The following DNAH8 variants were observed in gnomAD, a reference collection of about 807,000 sequenced individuals.
DNAH8 encodes dynein axonemal heavy chain 8.
DNAH8 carries 382 observed loss-of-function variants against 562.1 expected under a neutral mutation model. That is an observed-to-expected ratio of 0.68 (90% CI 0.63 to 0.74). The LOEUF (loss-of-function observed/expected upper bound fraction) is 0.74. DNAH8 is among the 30% of genes least tolerant of loss of function. The probability of loss-of-function intolerance (pLI) is 0.00; values close to 1 mark genes in which losing one functional copy is unlikely to be tolerated. For missense variants in DNAH8, 5,203 were observed against 5,620.4 expected (o/e 0.93, Z 2.37); for synonymous variants, 1,881 against 1,919.4 (o/e 0.98, Z 0.52).
intron 82 of DNAH8, among the ~76,000 whole-genome samples, chr6:38,968,194 A>T (rs1763096568): frequency 1.3e-5 from 2 of 152,208 alleles, no homozygotes; most frequent in African/African-American, 4.8e-5. Context: ...TAACATACTT[A>T]GTAAAAAAAA....
At chr6:38,802,731 A>G (rs1770893478) in intron 21 of DNAH8, among the ~76,000 whole-genome samples, 1 of 152,232 alleles carries the variant, frequency 6.6e-6, no homozygotes, top group Non-Finnish European at 1.5e-5. Flanking sequence ...ATGAGTTAAT[A>G]TGTGTAAAGC....
chr6:38,767,860 T>C (rs573327335), intron 11 of DNAH8, among the ~76,000 whole-genome samples: 1 of 152,348 alleles, frequency 6.6e-6, no homozygotes, highest in East Asian at 1.9e-4. Flanking sequence ...GTTTAACTTT[T>C]TGAGTTCCTG....
At chr6:38,855,932 T>G (rs1307156828) in intron 41 of DNAH8, among the ~76,000 whole-genome samples, 1 of 152,186 alleles carries the variant, frequency 6.6e-6, no homozygotes, top group African/African-American at 2.4e-5. Context: ...GGATCAAGGT[T>G]GTGCGCTGCT....
intron 11 of DNAH8, among the ~76,000 whole-genome samples, chr6:38,769,098 T>C (rs1175855757): frequency 6.6e-6 from 1 of 152,234 alleles, no homozygotes; most frequent in South Asian, 2.1e-4. Flanking sequence ...ACATCTGAAA[T>C]GTTTTCAGGA....
chr6:38,938,038 G>C lies in DNAH8; in HGVS notation c.11628G>C (p.Glu3876Asp), dbSNP rs774173621. ...VLRTTKQTAA[E>D]VSEKLHVAAE... ...GAACTACCAAGCAGACAGCAGCTGA[G>C]GTAAGTGAAAAGTTGCATGTGGCTG... The change falls in exon 78 of 93, where the codon GAG becomes GAC. Residue 3876 changes from glutamate (E) to aspartate (D), a missense_variant. By Grantham distance (45) the Glu-to-Asp change is conservative (BLOSUM62 2). Transcript: ENST00000327475. 6.2e-7 allele frequency: 1 copy of C among 1,614,052 alleles called. No individual in the cohort carries two copies. Among genetic ancestry groups the C allele is most frequent in the Non-Finnish European group, 8.5e-7 (1 of 1,180,012 alleles).
At chr6:38,863,196 G>T (rs1776771894) in intron 44 of DNAH8, among the ~76,000 whole-genome samples, 1 of 149,134 alleles carries the variant, frequency 6.7e-6, no homozygotes, top group Non-Finnish European at 1.5e-5. Flanking sequence ...CACTTTGGGA[G>T]GCCGAGGCAG....
chr6:38,797,066 A>G (rs138286391), intron 21 of DNAH8, among the ~76,000 whole-genome samples: 1 of 152,254 alleles, frequency 6.6e-6, no homozygotes, highest in Non-Finnish European at 1.5e-5. Flanking sequence ...AAACACTGTT[A>G]AATAATTAAT....
chr6:38,879,508 A>C (rs1778297779), intron 53 of DNAH8, among the ~76,000 whole-genome samples: 1 of 152,246 alleles, frequency 6.6e-6, no homozygotes, highest in Non-Finnish European at 1.5e-5. Flanking sequence ...AAATGAATGA[A>C]GAAAAGCATT....
rs558925322 is a variant in DNAH8 at position 38,970,535 on chromosome 6, G to A, written c.12452-1057G>A. Among the ~76,000 whole-genome samples, 11 of 152,206 alleles carry A rather than the reference G, an allele frequency of 7.2e-5. No individual in the cohort carries two copies. In the South Asian group the frequency reaches 2.1e-3, roughly 29 times the overall value. On this transcript the variant is annotated intron_variant, in intron 82 of 92. Coordinates refer to ENST00000327475, the MANE Select transcript of DNAH8 (RefSeq NM_001206927.2). The stretch of plus-strand genomic sequence containing the variant: ...TGTCTCCCTGTGACCCTGAGCCCAC[G>A]AATAATCCCTAATCTTGCACCCTGC...
At chr6:38,797,258 G>A (rs983585725) in intron 21 of DNAH8, among the ~76,000 whole-genome samples, 2 of 152,054 alleles carry the variant, frequency 1.3e-5, no homozygotes, top group South Asian at 2.1e-4. Context: ...GTCGGGGGGC[G>A]GTGGTGGTGC....
At position 38,761,798 on chromosome 6, in the gene DNAH8, AT is replaced by A; in HGVS notation, c.1614del (p.Gln539ArgfsTer20). On this transcript the variant is annotated frameshift_variant, in exon 11 of 93. Transcript: ENST00000327475. LOFTEE classifies it high-confidence loss of function. ...DQETPVVLKK[I>X]QDCIFLFKEY... ...GGAAACGCCAGTTGTACTAAAGAAAATTCAGGTTTGTAGAAGTACTTTTATT... is the reference window on the plus strand; with the variant it reads ...GGAAACGCCAGTTGTACTAAAGAAAATCAGGTTTGTAGAAGTACTTTTATT... The A allele has an allele frequency of 6.5e-7, 1 of 1,541,550 alleles. No individual in the cohort carries two copies. Among genetic ancestry groups the A allele is most frequent in the Non-Finnish European group, 8.7e-7 (1 of 1,145,154 alleles).
intron 9 of DNAH8, among the ~76,000 whole-genome samples, chr6:38,753,050 A>G (rs894815344): frequency 1.3e-5 from 2 of 152,076 alleles, no homozygotes; most frequent in Admixed American, 1.3e-4. Context: ...AGTACAGTAC[A>G]CAATAGGAAG....
intron 69 of DNAH8, 112 bp from the exon 70 acceptor site, chr6:38,917,813 T>TC: frequency 1.3e-6 from 1 of 791,870 alleles, no homozygotes; most frequent in Non-Finnish European, 1.9e-6. Flanking sequence ...ATTTGTGTAT[T>TC]TAGAGCAAAT....
chr6:38,790,794 A>G (rs12211240), intron 20 of DNAH8, among the ~76,000 whole-genome samples: 50,414 of 151,120 alleles, frequency 0.33, 8,768 homozygotes, highest in South Asian at 0.41. Flanking sequence ...TTGCACTCCA[A>G]CCTGGGCGAC....
chr6:38,861,675 G>A (rs749152584), intron 43 of DNAH8, among the ~76,000 whole-genome samples: 3 of 152,126 alleles, frequency 2.0e-5, no homozygotes, highest in Non-Finnish European at 4.4e-5. Flanking sequence ...GGGACTACAG[G>A]CGCATGCCAC....
intron 77 of DNAH8, among the ~76,000 whole-genome samples, chr6:38,937,434 A>G (rs976014216): frequency 6.6e-6 from 1 of 152,168 alleles, no homozygotes; most frequent in African/African-American, 2.4e-5. Flanking sequence ...ACTATACCCA[A>G]TTTGCTCTTG....
chr6:38,735,728 G>A (rs978188143), intron 5 of DNAH8, among the ~76,000 whole-genome samples: 9 of 152,132 alleles, frequency 5.9e-5, no homozygotes, highest in South Asian at 2.1e-4. Flanking sequence ...TTTCATAACC[G>A]AAAAACTGAC....
intron 73 of DNAH8, 113 bp from the exon 74 acceptor site, chr6:38,925,942 C>A: frequency 9.4e-7 from 1 of 1,061,148 alleles, no homozygotes. Context: ...TGCATAGTCT[C>A]AAAGGAAAAT....
At chr6:38,740,661 C>T (rs1473833455) in intron 7 of DNAH8, among the ~76,000 whole-genome samples, 1 of 151,962 alleles carries the variant, frequency 6.6e-6, no homozygotes, top group East Asian at 1.9e-4. Flanking sequence ...GTCACCCAAG[C>T]TGGAGTGCAG....
Sources: gnomAD v4.1 joint callset for allele counts (sites outside exome capture counted in the v4.1 genomes callset) on GRCh38, gnomAD v4.1.1 for gene constraint, MANE v1.5 for transcripts, NCBI Gene and HGNC (gene_info 2026-07-23, HGNC 2026-07-21) for gene names.